The following DNAH12 variants were observed in gnomAD, a reference collection of about 807,000 sequenced individuals.
DNAH12 encodes the protein axonemal beta dynein heavy chain 12.
DNAH12 carries 285 observed loss-of-function variants against 371.5 expected under a neutral mutation model. The observed-to-expected ratio is 0.77, with a 90% confidence interval of 0.70 to 0.85. The LOEUF (loss-of-function observed/expected upper bound fraction) is 0.85, where lower values mean the gene tolerates loss of function less well. DNAH12 is among the 40% of genes least tolerant of loss of function. DNAH12 has a pLI of 0.00. For missense variants in DNAH12, 3,611 were observed against 3,689.4 expected (o/e 0.98, Z 0.55); for synonymous variants, 1,200 against 1,213.0 (o/e 0.99, Z 0.22).
chr3:57,470,669 A>T (rs570396055), intron 15 of DNAH12, 33 bp from the exon 16 acceptor site: 1 of 1,457,820 alleles, frequency 6.9e-7, no homozygotes, highest in Admixed American at 2.7e-5. Flanking sequence ...TCTTAAAAAA[A>T]ATTCAAGTAA....
At position 57,425,031 on chromosome 3, in the gene DNAH12, A is replaced by T; in HGVS notation, c.5364T>A (p.Val1788=). The T allele has an allele frequency of 1.4e-6, 1 of 701,958 alleles. No individual in the cohort carries two copies. The highest frequency in any genetic ancestry group is 2.6e-6 in the Non-Finnish European group (1 of 384,676). 43.5% of individuals were successfully genotyped at this position (701,958 alleles called of 1,614,324 possible). A position where few individuals can be genotyped will look rare whatever the true frequency, so the allele number is the denominator to read the frequency against. The change falls in exon 35 of 74, where the codon GTT becomes GTA. Residue 1788 remains valine, a synonymous_variant. Coordinates refer to ENST00000495027, the MANE Select transcript of DNAH12 (RefSeq NM_001366028.2). The stretch of plus-strand genomic sequence containing the variant: ...GAAGTATAAAACCAACCATAATCCA[A>T]ACACGAATGTGCTTGCTAGTAGGAT... The part of the protein sequence containing the change: ...ENDPTSKHIR[V]WIMACFIFSL...
chr3:57,373,591 T>G (rs1312257834), intron 55 of DNAH12, among the ~76,000 whole-genome samples: 21 of 152,046 alleles, frequency 1.4e-4, no homozygotes, highest in Admixed American at 4.6e-4. Flanking sequence ...CCCAAAGTGC[T>G]GGGATTACAG....
chr3:57,323,444 A>G (rs1408558232), intron 63 of DNAH12, 25 bp downstream of exon 63: 3 of 1,506,406 alleles, frequency 2.0e-6, no homozygotes, highest in African/African-American at 2.8e-5. Flanking sequence ...ATGATTTCTT[A>G]AAAGTTTACA....
chr3:57,509,383 T>C (rs1338358093), intron 5 of DNAH12, among the ~76,000 whole-genome samples, 171 bp from the exon 6 acceptor site: 3 of 152,222 alleles, frequency 2.0e-5, no homozygotes, highest in Non-Finnish European at 2.9e-5. Context: ...ATTTTGGCCT[T>C]ACTTGAGAGT....
intron 58 of DNAH12, among the ~76,000 whole-genome samples, chr3:57,361,273 C>T (rs956293399): frequency 6.6e-6 from 1 of 151,396 alleles, no homozygotes; most frequent in Non-Finnish European, 1.5e-5. Context: ...TTCCTTGAAC[C>T]CGGAGGTGGA....
At chr3:57,462,579 C>G (rs1033721615) in intron 18 of DNAH12, 111 bp downstream of exon 18, 3 of 1,276,296 alleles carry the variant, frequency 2.4e-6, no homozygotes, top group Non-Finnish European at 3.1e-6. Context: ...CACTCTCCCC[C>G]ATCACCTCCC....
chr3:57,541,665 T>TC (rs766109854), intron 2 of DNAH12, among the ~76,000 whole-genome samples: 1 of 151,938 alleles, frequency 6.6e-6, no homozygotes, highest in Non-Finnish European at 1.5e-5. Context: ...TTTTTTTTTT[T>TC]CTGTCTAAGT....
chr3:57,453,314 G>A lies in DNAH12; in HGVS notation c.3546C>T (p.Thr1182=). 1 of 1,551,002 alleles carries A rather than the reference G, an allele frequency of 6.4e-7. No homozygotes were observed. Among genetic ancestry groups the A allele is most frequent in the Non-Finnish European group, 8.7e-7 (1 of 1,146,798 alleles). The change falls in exon 24 of 74, where the codon ACC becomes ACT. Residue 1182 remains threonine, a synonymous_variant. Transcript: ENST00000495027. ...VRGKLSKQTR[T]TLGALVTIDV... is the part of the protein sequence containing the mutation. ...CAATAGTAACCAAAGCCCCCAGAGT[G>A]GTCCTGGTCTGCTTAGACAACTTTC...
intron 25 of DNAH12, among the ~76,000 whole-genome samples, chr3:57,447,199 C>T (rs1187630410): frequency 6.6e-6 from 1 of 152,214 alleles, no homozygotes; most frequent in Non-Finnish European, 1.5e-5. Context: ...TCCCATAAAA[C>T]TGCTCTATGC....
At chr3:57,347,367 T>A (rs1180333573) in intron 60 of DNAH12, among the ~76,000 whole-genome samples, 2 of 152,156 alleles carry the variant, frequency 1.3e-5, no homozygotes, top group African/African-American at 4.8e-5. Context: ...ATGTAATTCA[T>A]CATAGCAAGA....
intron 17 of DNAH12, among the ~76,000 whole-genome samples, chr3:57,466,423 A>G (rs2066205556): frequency 6.6e-6 from 1 of 152,184 alleles, no homozygotes; most frequent in Admixed American, 6.5e-5. Context: ...TTTAAGTTAA[A>G]AAAATCAGAC....
chr3:57,302,529 GTATATATATATATA>G (rs71088055), intron 69 of DNAH12, among the ~76,000 whole-genome samples: 2 of 47,850 alleles, frequency 4.2e-5, no homozygotes, highest in Admixed American at 4.3e-4. Flanking sequence ...GGCATCAGGT[GTATATATATATATA>G]TATATATATA....
intron 12 of DNAH12, among the ~76,000 whole-genome samples, chr3:57,487,818 T>A (rs964925394): frequency 2.0e-5 from 3 of 152,166 alleles, no homozygotes; most frequent in African/African-American, 7.2e-5. Context: ...AAATCACAGA[T>A]ACTACAAAAA....
At chr3:57,326,773 TAA>T (rs1171258860) in intron 62 of DNAH12, among the ~76,000 whole-genome samples, 4 of 152,084 alleles carry the variant, frequency 2.6e-5, no homozygotes, top group Non-Finnish European at 5.9e-5. Context: ...GCAAATTGGA[TAA>T]AGAGTCAAGA....
In DNAH12 at chr3:57,314,443, G is replaced by A. The variant is rs146130771; in HGVS notation, c.10662+51C>T. On this transcript the variant is annotated intron_variant, in intron 66 of 73. Transcript: ENST00000495027. ...TATTCCAAGCAAAAGACTTGCCTAG[G>A]GCCTGATAAATAGTGATCCTTCATG... is the stretch of plus-strand genomic sequence containing the variant. 1.3e-5 allele frequency: 20 copies of A among 1,547,624 alleles called. No homozygotes were observed. In the African/African-American group the frequency reaches 1.8e-4, roughly 14 times the overall value.
Position 57,507,730 on chromosome 3 carries a change from G to A in DNAH12, c.810C>T (p.Leu270=), listed in dbSNP as rs746994805. ...MNTWYPKVIN[L]FTKKEALEGV... ...CTTCTAGTGCCTCCTTCTTGGTAAA[G>A]AGATTTATAACCTTTGGATACCATG... Residue 270 remains leucine (L), a synonymous_variant, in exon 8 of 74, where the codon CTC becomes CTT. Transcript: ENST00000495027. 9 of 1,611,404 alleles carry A rather than the reference G, an allele frequency of 5.6e-6. No homozygotes were observed. The highest frequency in any genetic ancestry group is 8.5e-7 in the Non-Finnish European group (1 of 1,179,672).
In DNAH12 at chr3:57,360,813, T is replaced by C. The variant is rs1038695333; in HGVS notation, c.9360+2781A>G. ...TTTAGCTTTCTTTTTATTTTTTAATTACCCTAAAGTGAAGGAGCACATAAT... is the reference window on the plus strand; with the variant it reads ...TTTAGCTTTCTTTTTATTTTTTAATCACCCTAAAGTGAAGGAGCACATAAT... On this transcript the variant is annotated intron_variant, in intron 58 of 73. Coordinates refer to ENST00000495027, the MANE Select transcript of DNAH12 (RefSeq NM_001366028.2). Among the ~76,000 whole-genome samples, 16 of 152,244 alleles carry C rather than the reference T, an allele frequency of 1.1e-4. No individual in the cohort carries two copies. The East Asian group carries it at 1.2e-3, about 11-fold the overall frequency.
intron 39 of DNAH12, 127 bp from the exon 40 acceptor site, chr3:57,408,662 C>CT (rs1167044665): frequency 8.2e-7 from 1 of 1,213,486 alleles, no homozygotes; most frequent in Non-Finnish European, 1.1e-6. Flanking sequence ...TCAGATAACA[C>CT]TTTGAGTAGG....
At chr3:57,534,646 T>C (rs1171898872) in intron 2 of DNAH12, among the ~76,000 whole-genome samples, 1 of 151,808 alleles carries the variant, frequency 6.6e-6, no homozygotes, top group East Asian at 1.9e-4. Flanking sequence ...GTAGCTGAGA[T>C]TACAGGCATA....
Sources: allele counts gnomAD v4.1 joint callset (sites outside exome capture counted in the v4.1 genomes callset), GRCh38; gene constraint gnomAD v4.1.1; transcripts MANE v1.5; gene names NCBI Gene and HGNC (gene_info 2026-07-23, HGNC 2026-07-21).